Variants in TSEN2 observed in about 807,000 individuals in gnomAD.
TSEN2 encodes the protein tRNA-splicing endonuclease subunit Sen2.
TSEN2 carries 54 observed loss-of-function variants against 59.2 expected under a neutral mutation model. That is an observed-to-expected ratio of 0.91 (90% confidence interval 0.73 to 1.14). The LOEUF is 1.14. TSEN2 is among the 50% of genes most tolerant of loss of function. The pLI, the probability that TSEN2 is intolerant of heterozygous loss-of-function variation, is 0.00. For synonymous variants in TSEN2, 195 were observed against 198.2 expected (o/e 0.98, Z 0.14); for missense variants, 636 against 576.2 (o/e 1.10, Z -1.06).
intron 9 of TSEN2, 73 bp downstream of exon 9, chr3:12,528,997 T>C: frequency 6.6e-7 from 1 of 1,523,336 alleles, no homozygotes; most frequent in Admixed American, 1.7e-5. Flanking sequence ...ATTTAACTTT[T>C]TGGTGCCATA....
chr3:12,507,311 G>A (rs1197514018), intron 6 of TSEN2, among the ~76,000 whole-genome samples: 2 of 152,214 alleles, frequency 1.3e-5, no homozygotes, highest in African/African-American at 2.4e-5. Context: ...CAGCAGATGC[G>A]TAGGCATTCC....
At chr3:12,491,570 C>T (rs1015718897) in intron 2 of TSEN2, among the ~76,000 whole-genome samples, 2 of 152,110 alleles carry the variant, frequency 1.3e-5, no homozygotes, top group Non-Finnish European at 2.9e-5. Flanking sequence ...GCTTATCAGA[C>T]CTAGACTGAA....
chr3:12,537,126 A>G (rs554568882), downstream of TSEN2, among the ~76,000 whole-genome samples: 1 of 152,226 alleles, frequency 6.6e-6, no homozygotes, highest in East Asian at 1.9e-4. Flanking sequence ...GGGACCATCT[A>G]AAGCTTTCCT....
intron 6 of TSEN2, chr3:12,514,888 C>T (rs1472114711): frequency 6.6e-6 from 1 of 152,056 alleles, no homozygotes; most frequent in South Asian, 2.1e-4. Flanking sequence ...TTTTCCAAAA[C>T]AAAAAATTTG....
Position 12,503,414 on chromosome 3 carries a change from A to G in TSEN2, c.461A>G (p.Asn154Ser), listed in dbSNP as rs2054499954. 2 of 1,614,060 alleles carry G rather than the reference A, an allele frequency of 1.2e-6. No individual in the cohort carries two copies. Among genetic ancestry groups the G allele is most frequent in the African/African-American group, 1.3e-5 (1 of 74,916 alleles). The change falls in exon 5 of 12, where the codon AAC becomes AGC. Residue 154 changes from asparagine to serine, a missense_variant. By Grantham distance (46) the Asn-to-Ser change is conservative. Coordinates refer to ENST00000284995, the MANE Select transcript of TSEN2 (RefSeq NM_025265.4). Reference protein sequence around the residue: ...NEEAQVHDKLNSGMVSNMEGT... With the variant: ...NEEAQVHDKLSSGMVSNMEGT... ...GAGGCTCAAGTGCATGACAAGCTTA[A>G]CTCTGGAATGGTTTCCAACATGGAA...
At chr3:12,511,698 T>C (rs1419151391) in intron 6 of TSEN2, among the ~76,000 whole-genome samples, 1 of 151,868 alleles carries the variant, frequency 6.6e-6, no homozygotes, top group Non-Finnish European at 1.5e-5. Context: ...TCCTGAGTAG[T>C]TGGAACCACA....
chr3:12,520,596 C>G (rs541149434), intron 8 of TSEN2, among the ~76,000 whole-genome samples: 1 of 152,256 alleles, frequency 6.6e-6, no homozygotes, highest in South Asian at 2.1e-4. Context: ...TTGAGACCAG[C>G]CTGACCAACA....
chr3:12,527,245 A>C (rs2057156202), intron 8 of TSEN2, among the ~76,000 whole-genome samples: 1 of 152,212 alleles, frequency 6.6e-6, no homozygotes, highest in African/African-American at 2.4e-5. Flanking sequence ...ACCATGGAAA[A>C]TACAGACGCA....
chr3:12,481,622 T>C (rs2052195096), upstream of TSEN2, among the ~76,000 whole-genome samples: 1 of 152,190 alleles, frequency 6.6e-6, no homozygotes, highest in African/African-American at 2.4e-5. Context: ...GTGTGTTAGA[T>C]AAGCCTCCTT....
chr3:12,516,487 T>TGTGTGTGTGTGA, intron 6 of TSEN2, 124 bp from the exon 7 acceptor site: 1 of 690,004 alleles, frequency 1.4e-6, no homozygotes, highest in Admixed American at 2.1e-5. Context: ...TGTGTGTGTG[T>TGTGTGTGTGTGA]GACCTTTTTG....
At chr3:12,524,149 G>A (rs957149437) in intron 8 of TSEN2, among the ~76,000 whole-genome samples, 2 of 151,754 alleles carry the variant, frequency 1.3e-5, no homozygotes, top group African/African-American at 4.8e-5. Context: ...CCCAAGCTGG[G>A]CTCAAACTCC....
Position 12,503,283 on chromosome 3 carries a change from G to A in TSEN2, c.330G>A (p.Trp110Ter). 1 of 1,614,128 alleles carries A rather than the reference G, an allele frequency of 6.2e-7. No individual in the cohort carries two copies. The highest frequency in any genetic ancestry group is 8.5e-7 in the Non-Finnish European group (1 of 1,180,030). Reference sequence around the variant, plus strand: ...GCAGGTATCAGCATAGTGTTGAGTGGGCAGCAGAGCTGATGCGTAGACAGG... The same window carrying A: ...GCAGGTATCAGCATAGTGTTGAGTGAGCAGCAGAGCTGATGCGTAGACAGG... ...TSKRYQHSVE[W>*]AAELMRRQGQ... The change falls in exon 5 of 12, where the codon TGG becomes TGA. Residue 110 changes from tryptophan (W) to a stop codon, truncating the protein, a stop_gained. Coordinates refer to ENST00000284995, the MANE Select transcript of TSEN2 (RefSeq NM_025265.4). LOFTEE classifies it high-confidence loss of function.
intron 4 of TSEN2, among the ~76,000 whole-genome samples, chr3:12,502,690 T>TTTTTTTTTTG (rs2054409666): frequency 9.2e-6 from 1 of 108,508 alleles, no homozygotes; most frequent in Non-Finnish European, 1.8e-5. Flanking sequence ...TTTTTTTTTG[T>TTTTTTTTTTG]TTTTTTTTTT....
chr3:12,488,537 A>G (rs1366917050), intron 1 of TSEN2, among the ~76,000 whole-genome samples: 1 of 152,190 alleles, frequency 6.6e-6, no homozygotes, highest in Non-Finnish European at 1.5e-5. Context: ...GCATCACACA[A>G]TATGTTCACA....
chr3:12,516,881 TAGG>T (rs763547879), intron 7 of TSEN2, among the ~76,000 whole-genome samples: 19 of 152,192 alleles, frequency 1.2e-4, no homozygotes, highest in Non-Finnish European at 2.4e-4. Flanking sequence ...TCCTCAAAAC[TAGG>T]AGAAGTACAG....
At chr3:12,497,514 G>T (rs1264599374) in intron 4 of TSEN2, among the ~76,000 whole-genome samples, 1 of 152,200 alleles carries the variant, frequency 6.6e-6, no homozygotes, top group African/African-American at 2.4e-5. Context: ...GGATTCTGGT[G>T]TGTGGGAGGG....
rs1434697504 is a variant in TSEN2, at chr3:12,523,523, ATTCTTTTT to A, written c.1099+4329_1099+4336del. Among the ~76,000 whole-genome samples, 109 of 51,056 alleles carry A rather than the reference ATTCTTTTT, an allele frequency of 2.1e-3. 3 individuals carry two copies. The highest frequency in any genetic ancestry group is 9.8e-3 in the Middle Eastern group (1 of 102). The allele number at this position is 51,056 out of a possible 152,430, so 33.5% of individuals were successfully genotyped here. A position where few individuals can be genotyped will look rare whatever the true frequency, so the allele number is the denominator to read the frequency against. On this transcript the variant is annotated intron_variant, in intron 8 of 11. Transcript: ENST00000284995. ...TGTCTTCTCCTCATCTTCCTCTTTG[ATTCTTTTT>A]TTTTTTTTTTTTTTTTTTTTGAGAC...
intron 8 of TSEN2, among the ~76,000 whole-genome samples, chr3:12,524,270 A>G (rs1459794295): frequency 2.0e-5 from 3 of 152,156 alleles, no homozygotes; most frequent in Non-Finnish European, 4.4e-5. Flanking sequence ...TTTGATTATT[A>G]TATCTACCTT....
At chr3:12,501,415 C>T (rs2052519434) in intron 4 of TSEN2, among the ~76,000 whole-genome samples, 1 of 152,194 alleles carries the variant, frequency 6.6e-6, no homozygotes, top group Admixed American at 6.5e-5. Flanking sequence ...AGGTGTTAAT[C>T]TTTAGGATAC....
Sources: gnomAD v4.1 joint callset for allele counts (sites outside exome capture counted in the v4.1 genomes callset) on GRCh38, gnomAD v4.1.1 for gene constraint, MANE v1.5 for transcripts, NCBI Gene and HGNC (gene_info 2026-07-23, HGNC 2026-07-21) for gene names.